The following NEDD4L variants were observed in gnomAD, a reference collection of about 807,000 sequenced individuals.
The protein encoded by NEDD4L is NEDD4 like E3 ubiquitin protein ligase.
In NEDD4L, 54 loss-of-function variants were observed where a neutral mutation model predicts 148.9. The observed-to-expected ratio is 0.36, with a 90% CI of 0.29 to 0.45. The LOEUF (loss-of-function observed/expected upper bound fraction) is 0.45. Ranked by LOEUF, NEDD4L falls within the 20% of genes least tolerant of loss-of-function variation. The pLI is 1.00. For synonymous variants in NEDD4L, 433 were observed against 440.7 expected, an observed-to-expected ratio of 0.98 and a Z score of 0.22; for missense variants, 856 against 1,233.8, an observed-to-expected ratio of 0.69 and a Z score of 4.59.
chr18:58,244,109 TAC>T (rs1412987493), intron 2 of NEDD4L, among the ~76,000 whole-genome samples: 6 of 152,368 alleles, frequency 3.9e-5, no homozygotes, highest in Middle Eastern at 3.4e-3. Flanking sequence ...TAGAAATCAG[TAC>T]AGTCTCAGCA....
At chr18:58,062,871 C>T (rs144989559) in intron 1 of NEDD4L, among the ~76,000 whole-genome samples, 2,292 of 151,720 alleles carry the variant, frequency 0.015, 54 homozygotes, top group African/African-American at 0.052. Context: ...GCCTGTAGTC[C>T]CAGCTACTCG....
intron 2 of NEDD4L, among the ~76,000 whole-genome samples, chr18:58,243,428 C>CT (rs1474698681): frequency 6.6e-6 from 1 of 152,192 alleles, no homozygotes; most frequent in African/African-American, 2.4e-5. Context: ...CAGTAGTTCT[C>CT]TGAGTGTGGT....
At chr18:58,193,339 T>TG (rs1283770552) in intron 2 of NEDD4L, among the ~76,000 whole-genome samples, 1 of 152,226 alleles carries the variant, frequency 6.6e-6, no homozygotes, top group Non-Finnish European at 1.5e-5. Flanking sequence ...AGTTCTGTGA[T>TG]AATTCCTATC....
rs1450511658 is a variant in NEDD4L, at chr18:58,398,348, A to C, written c.*2079A>C. ...CATGCCAGAGCCTGAGTCGAGCAGT[A>C]TGCTTTCTTGGTTTTTGAGAGTAAT... On this transcript the variant is annotated 3_prime_UTR_variant, in exon 31 of 31. Transcript: ENST00000400345. 1 of 152,082 alleles carries C rather than the reference A, an allele frequency of 6.6e-6. No individual in the cohort carries two copies. Among genetic ancestry groups the C allele is most frequent in the Non-Finnish European group, 1.5e-5 (1 of 68,022 alleles). 9.4% of individuals were successfully genotyped at this position (152,082 alleles called of 1,614,324 possible).
chr18:58,104,903 C>T (rs909904702), intron 1 of NEDD4L, among the ~76,000 whole-genome samples: 5 of 149,510 alleles, frequency 3.3e-5, no homozygotes, highest in African/African-American at 1.2e-4. Flanking sequence ...CATTACAGCA[C>T]GTTGTTGCAG....
chr18:58,364,407 A>G (rs1344210771), intron 20 of NEDD4L, 74 bp downstream of exon 20: 1 of 883,232 alleles, frequency 1.1e-6, no homozygotes, highest in Non-Finnish European at 1.8e-6. Flanking sequence ...CAGTGAGAAC[A>G]ACTTGGTTGT....
intron 1 of NEDD4L, among the ~76,000 whole-genome samples, chr18:58,097,162 C>T (rs1192812038): frequency 6.6e-6 from 1 of 152,170 alleles, no homozygotes; most frequent in Admixed American, 6.5e-5. Flanking sequence ...TATGACACAG[C>T]CCTCCAGCTC....
chr18:58,151,442 C>T (rs2034726626), intron 1 of NEDD4L, among the ~76,000 whole-genome samples: 1 of 152,178 alleles, frequency 6.6e-6, no homozygotes, highest in Admixed American at 6.5e-5. Context: ...TGGTGAGCTT[C>T]AGTAGGTCTT....
chr18:58,215,295 A>G (rs2043055288), intron 2 of NEDD4L, among the ~76,000 whole-genome samples: 1 of 152,156 alleles, frequency 6.6e-6, no homozygotes, highest in Admixed American at 6.6e-5. Context: ...TCCCTAGTTC[A>G]ATATTAACCC....
At chr18:58,081,335 C>A (rs1309067696) in intron 1 of NEDD4L, among the ~76,000 whole-genome samples, 1 of 151,400 alleles carries the variant, frequency 6.6e-6, no homozygotes, top group Non-Finnish European at 1.5e-5. Context: ...CCTGCCTCAG[C>A]CTCCCGTGTA....
chr18:58,239,744 A>G (rs943594093), intron 2 of NEDD4L, among the ~76,000 whole-genome samples: 2 of 152,148 alleles, frequency 1.3e-5, no homozygotes, highest in Non-Finnish European at 2.9e-5. Context: ...CTGACAGATG[A>G]CCTCGTCTGC....
At chr18:58,330,099 C>T (rs1323580525) in intron 10 of NEDD4L, among the ~76,000 whole-genome samples, 1 of 152,196 alleles carries the variant, frequency 6.6e-6, no homozygotes, top group Non-Finnish European at 1.5e-5. Context: ...TAGCCATAAT[C>T]TTCCATGCTA....
chr18:58,393,805 C>T (rs2050135991), intron 30 of NEDD4L, among the ~76,000 whole-genome samples: 1 of 152,162 alleles, frequency 6.6e-6, no homozygotes, highest in Middle Eastern at 3.2e-3. Flanking sequence ...GAATAAAAAT[C>T]TGATTTCCTA....
intron 1 of NEDD4L, among the ~76,000 whole-genome samples, chr18:58,068,356 C>T (rs1291269185): frequency 1.3e-5 from 2 of 152,042 alleles, no homozygotes; most frequent in Admixed American, 6.5e-5. Context: ...CCTGCCACCA[C>T]GCCTGACTAA....
chr18:58,165,676 T>G, intron 1 of NEDD4L, 112 bp from the exon 2 acceptor site: 1 of 1,527,712 alleles, frequency 6.5e-7, no homozygotes, highest in Non-Finnish European at 8.9e-7. Context: ...AATTGATTTG[T>G]TCTGTATCCC....
intron 1 of NEDD4L, chr18:58,047,104 G>C (rs1465658527): frequency 2.3e-5 from 5 of 220,500 alleles, no homozygotes; most frequent in Admixed American, 1.3e-4. Flanking sequence ...GAAGATTTTA[G>C]CAGGCTCTGA....
intron 1 of NEDD4L, among the ~76,000 whole-genome samples, chr18:58,146,195 T>G (rs1431158771): frequency 6.6e-6 from 1 of 152,170 alleles, no homozygotes; most frequent in Non-Finnish European, 1.5e-5. Context: ...AGCCATTTGA[T>G]GTGCTGATCC....
At chr18:58,083,416 G>A (rs1432912561) in intron 1 of NEDD4L, among the ~76,000 whole-genome samples, 2 of 152,120 alleles carry the variant, frequency 1.3e-5, no homozygotes, top group South Asian at 2.1e-4. Context: ...GGCCGGGTGC[G>A]GTGGCTCACG....
At chr18:58,307,129 G>A (rs988417418) in intron 5 of NEDD4L, among the ~76,000 whole-genome samples, 13 of 152,318 alleles carry the variant, frequency 8.5e-5, no homozygotes, top group African/African-American at 3.1e-4. Flanking sequence ...ATCTGAGACA[G>A]CCAGGTGGAA....
Sources: allele counts gnomAD v4.1 joint callset (sites outside exome capture counted in the v4.1 genomes callset), GRCh38; gene constraint gnomAD v4.1.1; transcripts MANE v1.5; gene names NCBI Gene and HGNC (gene_info 2026-07-23, HGNC 2026-07-21).